ROBO1: variants seen among roughly 807,000 people sequenced by gnomAD.
ROBO1 encodes the protein roundabout guidance receptor 1.
ROBO1 carries 149 observed loss-of-function variants against 195.9 expected under a neutral mutation model. The observed-to-expected ratio is 0.76, with a 90% confidence interval of 0.67 to 0.87. The LOEUF is 0.87. ROBO1 is among the 40% of genes least tolerant of loss of function. The probability of loss-of-function intolerance (pLI) is 0.00; values close to 1 mark genes in which losing one functional copy is unlikely to be tolerated. For synonymous variants in ROBO1, 816 were observed against 733.2 expected (o/e 1.11, Z -1.82); for missense variants, 1,933 against 2,068.3 (o/e 0.93, Z 1.27).
chr3:78,674,999 A>C (rs1160559612), intron 10 of ROBO1, among the ~76,000 whole-genome samples: 2 of 152,140 alleles, frequency 1.3e-5, no homozygotes, highest in African/African-American at 4.8e-5. Flanking sequence ...ACATTATAAA[A>C]ATATTTTAGG....
chr3:79,282,614 A>G (rs1193550402), intron 2 of ROBO1, among the ~76,000 whole-genome samples: 1 of 152,216 alleles, frequency 6.6e-6, no homozygotes, highest in East Asian at 1.9e-4. Flanking sequence ...AGAGTCCCAG[A>G]TTTTTGGCTT....
chr3:78,789,053 T>C (rs552177134), intron 4 of ROBO1, among the ~76,000 whole-genome samples: 1 of 152,138 alleles, frequency 6.6e-6, no homozygotes, highest in East Asian at 1.9e-4. Context: ...AGATCAGTAT[T>C]GTTATGCAAA....
At chr3:79,414,002 C>T (rs542354770) in intron 2 of ROBO1, among the ~76,000 whole-genome samples, 4 of 152,040 alleles carry the variant, frequency 2.6e-5, no homozygotes, top group African/African-American at 7.2e-5. Flanking sequence ...TCCAGTCTGT[C>T]GACCTTTTTA....
At chr3:79,750,238 G>A (rs556846404) in intron 1 of ROBO1, among the ~76,000 whole-genome samples, 42 of 152,270 alleles carry the variant, frequency 2.8e-4, no homozygotes, top group South Asian at 2.1e-3. Flanking sequence ...TTTTCCATTT[G>A]GAACAGATAT....
intron 1 of ROBO1, among the ~76,000 whole-genome samples, chr3:79,647,162 T>C (rs990034768): frequency 6.6e-6 from 1 of 152,124 alleles, no homozygotes; most frequent in Non-Finnish European, 1.5e-5. Context: ...ATTATATGAA[T>C]GTATTATATT....
At chr3:78,714,712 C>T (rs2081857462) in intron 7 of ROBO1, 188 bp from the exon 8 acceptor site, 1 of 460,330 alleles carries the variant, frequency 2.2e-6, no homozygotes, top group East Asian at 3.5e-5. Flanking sequence ...TGTGGACTAA[C>T]ATATTAAACT....
At chr3:78,653,637 G>A (rs1024075049) in intron 18 of ROBO1, among the ~76,000 whole-genome samples, 4 of 152,128 alleles carry the variant, frequency 2.6e-5, no homozygotes, top group East Asian at 1.9e-4. Context: ...GTTATTTCAC[G>A]TGTTTTTGTT....
chr3:79,672,259 T>C (rs1946654356), intron 1 of ROBO1, among the ~76,000 whole-genome samples: 1 of 151,910 alleles, frequency 6.6e-6, no homozygotes, highest in Admixed American at 6.6e-5. Flanking sequence ...TTTAAGAGGT[T>C]CACACACACT....
chr3:79,706,744 C>T (rs1412667289), intron 1 of ROBO1, among the ~76,000 whole-genome samples: 1 of 152,088 alleles, frequency 6.6e-6, no homozygotes, highest in Non-Finnish European at 1.5e-5. Context: ...TTGCCTTCCA[C>T]CATGATTGTG....
At chr3:79,718,399 C>A (rs1317441524) in intron 1 of ROBO1, among the ~76,000 whole-genome samples, 4 of 151,744 alleles carry the variant, frequency 2.6e-5, no homozygotes, top group Admixed American at 2.6e-4. Flanking sequence ...ACATTTTTTG[C>A]ATTTAGCTTT....
In ROBO1 at chr3:79,201,554, G is replaced by A. The variant is rs181382130; in HGVS notation, c.89-76015C>T. On this transcript the variant is annotated intron_variant, in intron 2 of 30. Transcript: ENST00000464233. ...AGAAAGATTTTCAATTTTACACAGC[G>A]AGAAAGCTGCTTAAGCAGTATCTCC... 9.4e-3 allele frequency among the ~76,000 whole-genome samples: 1,427 copies of A among 151,994 alleles called. 21 individuals are homozygous for A. The highest frequency in any genetic ancestry group is 0.032 in the African/African-American group (1,349 of 41,508).
At chr3:79,549,432 G>A (rs1942393262) in intron 2 of ROBO1, among the ~76,000 whole-genome samples, 1 of 152,146 alleles carries the variant, frequency 6.6e-6, no homozygotes, top group Admixed American at 6.5e-5. Context: ...GGGTAATACA[G>A]TCGGCCCTCC....
At chr3:79,679,305 C>T (rs1201139038) in intron 1 of ROBO1, among the ~76,000 whole-genome samples, 1 of 151,816 alleles carries the variant, frequency 6.6e-6, no homozygotes, top group Admixed American at 6.6e-5. Flanking sequence ...TTATAGCTCC[C>T]TCATTTCTTT....
intron 1 of ROBO1, among the ~76,000 whole-genome samples, chr3:79,631,493 G>T (rs1274910123): frequency 6.6e-6 from 1 of 151,966 alleles, no homozygotes; most frequent in African/African-American, 2.4e-5. Flanking sequence ...ACTTGAGATG[G>T]ATTAAAGACT....
At chr3:78,905,349 C>A (rs1369574501) in intron 4 of ROBO1, among the ~76,000 whole-genome samples, 4 of 152,052 alleles carry the variant, frequency 2.6e-5, no homozygotes, top group Admixed American at 2.6e-4. Context: ...TACAACTCTG[C>A]TGATGGGATT....
chr3:79,134,227 G>T (rs2108592867), intron 2 of ROBO1, among the ~76,000 whole-genome samples: 1 of 134,380 alleles, frequency 7.4e-6, no homozygotes, highest in South Asian at 2.6e-4. Context: ...AGTGGGCGAA[G>T]GACATGAACA....
intron 4 of ROBO1, among the ~76,000 whole-genome samples, chr3:78,929,661 C>T (rs1193410637): frequency 6.6e-6 from 1 of 151,826 alleles, no homozygotes; most frequent in African/African-American, 2.4e-5. Flanking sequence ...CACCACCACG[C>T]CCGGCTAATT....
At chr3:79,535,072 CTT>C (rs1941804609) in intron 2 of ROBO1, among the ~76,000 whole-genome samples, 1 of 151,506 alleles carries the variant, frequency 6.6e-6, no homozygotes, top group Non-Finnish European at 1.5e-5. Context: ...CCCCAAATGC[CTT>C]ATTTTTTTTT....
intron 26 of ROBO1, among the ~76,000 whole-genome samples, chr3:78,623,842 G>A (rs547256302): frequency 2.6e-5 from 4 of 152,306 alleles, no homozygotes; most frequent in African/African-American, 9.6e-5. Flanking sequence ...TCCAGAAAGA[G>A]ATTTGTAGAG....
Sources: allele counts gnomAD v4.1 joint callset (sites outside exome capture counted in the v4.1 genomes callset), GRCh38; gene constraint gnomAD v4.1.1; transcripts MANE v1.5; gene names NCBI Gene and HGNC (gene_info 2026-07-23, HGNC 2026-07-21).